Variants in SPATS2 observed in about 807,000 individuals in gnomAD.
SPATS2 encodes the protein spermatogenesis-associated serine-rich protein 2.
Under a neutral mutation model 63.7 loss-of-function variants are expected in SPATS2, and 38 were observed. The ratio of observed to expected loss-of-function variants is 0.60; its 90% CI spans 0.46 to 0.78. The LOEUF (loss-of-function observed/expected upper bound fraction) is 0.78. Among genes scored for constraint, SPATS2 ranks in the 30% least tolerant of loss-of-function variants. The pLI is 0.00. For synonymous variants in SPATS2, 207 were observed against 232.9 expected (o/e 0.89, Z 1.01); for missense variants, 588 against 666.2 (o/e 0.88, Z 1.29).
At chr12:49,487,215 G>T (rs911222879) in intron 4 of SPATS2, among the ~76,000 whole-genome samples, 1 of 152,140 alleles carries the variant, frequency 6.6e-6, no homozygotes, top group East Asian at 1.9e-4. Context: ...GGCCAGGCGC[G>T]ATGGCTCATG....
intron 2 of SPATS2, among the ~76,000 whole-genome samples, chr12:49,410,076 T>G (rs188577338): frequency 3.9e-4 from 60 of 151,936 alleles, no homozygotes; most frequent in East Asian, 2.3e-3. Context: ...CATGTTTTTT[T>G]TTGTTGTTGT....
rs753378038 is a variant in SPATS2 at position 49,409,592 on chromosome 12, A to ATT, written c.-244+38328_-244+38329dup. Reference sequence around the variant, plus strand: ...CAGGCGTGAGCCACTGTGCCCAGCAATTTTTTTTTTTTTTTTTTTTTTTTT... The same window carrying ATT: ...CAGGCGTGAGCCACTGTGCCCAGCAATTTTTTTTTTTTTTTTTTTTTTTTTTT... On this transcript the variant is annotated intron_variant, in intron 2 of 13. Coordinates refer to ENST00000552918, the MANE Select transcript of SPATS2 (RefSeq NM_023071.4). Among the ~76,000 whole-genome samples, 178 of 73,532 alleles carry ATT rather than the reference A, an allele frequency of 2.4e-3. 17 individuals are homozygous for ATT. Among genetic ancestry groups the ATT allele is most frequent in the Admixed American group, 3.8e-3 (21 of 5,504 alleles). The allele number at this position is 73,532 out of a possible 152,430, so 48.2% of individuals were successfully genotyped here.
chr12:49,450,962 G>T (rs746282537), intron 2 of SPATS2, among the ~76,000 whole-genome samples: 3 of 150,394 alleles, frequency 2.0e-5, no homozygotes, highest in Non-Finnish European at 4.4e-5. Flanking sequence ...TCTGCCTCCT[G>T]GACTCAAGTG....
In SPATS2 at chr12:49,444,219, T is replaced by G. The variant is rs548729321; in HGVS notation, c.-243-16551T>G. Reference sequence around the variant, plus strand: ...TAAGTATTTAAGTTTTGTTGTTGTTTTTTTTTTTTTAAGAGACAGGGTCTT... The same window carrying G: ...TAAGTATTTAAGTTTTGTTGTTGTTGTTTTTTTTTTAAGAGACAGGGTCTT... On this transcript the variant is annotated intron_variant, in intron 2 of 13. Coordinates refer to ENST00000552918, the MANE Select transcript of SPATS2 (RefSeq NM_023071.4). 8.8e-4 allele frequency among the ~76,000 whole-genome samples: 134 copies of G among 151,690 alleles called. 1 individual carries two copies. The highest frequency in any genetic ancestry group is 8.3e-4 in the South Asian group (4 of 4,812).
At chr12:49,425,790 C>T (rs1945064881) in intron 2 of SPATS2, among the ~76,000 whole-genome samples, 1 of 152,094 alleles carries the variant, frequency 6.6e-6, no homozygotes, top group Non-Finnish European at 1.5e-5. Flanking sequence ...CCACCATACC[C>T]AGCTAATTTT....
intron 2 of SPATS2, among the ~76,000 whole-genome samples, chr12:49,399,655 T>A (rs1944571100): frequency 1.3e-5 from 2 of 152,186 alleles, no homozygotes; most frequent in South Asian, 4.1e-4. Flanking sequence ...AAAAGTTGTT[T>A]CGGATTGGTA....
At chr12:49,378,234 G>A (rs1944144287) in intron 2 of SPATS2, among the ~76,000 whole-genome samples, 1 of 151,462 alleles carries the variant, frequency 6.6e-6, no homozygotes, top group Admixed American at 6.6e-5. Context: ...GCCTCCCAAA[G>A]TGCTGGGATA....
intron 2 of SPATS2, among the ~76,000 whole-genome samples, chr12:49,428,133 T>G (rs11614854): frequency 0.092 from 13,916 of 152,058 alleles, 757 homozygotes; most frequent in African/African-American, 0.14. Context: ...CAGGCGCCTG[T>G]AGTCCCAGCT....
At chr12:49,430,511 G>A (rs1488103948) in intron 2 of SPATS2, among the ~76,000 whole-genome samples, 1 of 152,004 alleles carries the variant, frequency 6.6e-6, no homozygotes, top group East Asian at 1.9e-4. Context: ...CTTTAAAGAT[G>A]AGAAGAATGT....
intron 9 of SPATS2, among the ~76,000 whole-genome samples, chr12:49,508,854 A>C (rs1193460024): frequency 6.6e-6 from 1 of 152,002 alleles, no homozygotes; most frequent in African/African-American, 2.4e-5. Flanking sequence ...ATCTGAGGTC[A>C]GGAGTTTGAA....
chr12:49,460,906 T>C lies in SPATS2; in HGVS notation c.-107T>C, dbSNP rs956711521. The C allele has an allele frequency of 8.4e-6, 11 of 1,313,656 alleles. No individual in the cohort carries two copies. The highest frequency in any genetic ancestry group is 1.1e-5 in the Non-Finnish European group (10 of 931,356). The allele number at this position is 1,313,656 out of a possible 1,614,324, so 81.4% of individuals were successfully genotyped here. On this transcript the variant is annotated 5_prime_UTR_variant, in exon 3 of 14. Transcript: ENST00000552918. ...GGATTTCGTATTTTTTGCTTCCAAC[T>C]GCACACTTCCGTTGCCCACTTTTAA... is the stretch of plus-strand genomic sequence containing the variant.
intron 3 of SPATS2, among the ~76,000 whole-genome samples, chr12:49,465,354 G>A (rs572371255): frequency 4.8e-5 from 7 of 147,152 alleles, no homozygotes; most frequent in Non-Finnish European, 9.0e-5. Flanking sequence ...ACCAACACTC[G>A]GTATGGTCAG....
At chr12:49,418,025 G>A (rs1010652089) in intron 2 of SPATS2, among the ~76,000 whole-genome samples, 2 of 151,722 alleles carry the variant, frequency 1.3e-5, no homozygotes, top group South Asian at 2.1e-4. Flanking sequence ...GACTACAGGC[G>A]CATGCCACCA....
chr12:49,466,781 C>G (rs1038666604), intron 3 of SPATS2, among the ~76,000 whole-genome samples: 2 of 152,102 alleles, frequency 1.3e-5, no homozygotes, highest in East Asian at 3.9e-4. Flanking sequence ...ATTTTGGTTT[C>G]TTTACATTTA....
chr12:49,423,418 C>T (rs906173548), intron 2 of SPATS2, among the ~76,000 whole-genome samples: 1 of 152,182 alleles, frequency 6.6e-6, no homozygotes, highest in Non-Finnish European at 1.5e-5. Flanking sequence ...GGGCGTGAGC[C>T]ACCGCGCCTG....
chr12:49,380,061 T>C (rs759875573), intron 2 of SPATS2, among the ~76,000 whole-genome samples: 5 of 152,180 alleles, frequency 3.3e-5, no homozygotes, highest in Non-Finnish European at 5.9e-5. Flanking sequence ...ATATTTCAAA[T>C]AAATGGAATC....
intron 3 of SPATS2, among the ~76,000 whole-genome samples, chr12:49,466,615 A>C (rs947051677): frequency 2.6e-5 from 4 of 152,150 alleles, no homozygotes; most frequent in African/African-American, 7.2e-5. Context: ...AGACCATGTG[A>C]AGATTTATTT....
intron 3 of SPATS2, among the ~76,000 whole-genome samples, chr12:49,476,248 C>CA (rs768030371): frequency 3.3e-5 from 5 of 152,098 alleles, no homozygotes; most frequent in Non-Finnish European, 7.4e-5. Context: ...CAGTCACCCG[C>CA]ACGCCAGCAG....
intron 3 of SPATS2, among the ~76,000 whole-genome samples, chr12:49,467,135 G>A (rs1454109105): frequency 1.5e-5 from 2 of 132,634 alleles, no homozygotes; most frequent in African/African-American, 5.8e-5. Flanking sequence ...TGCAGCCTCT[G>A]CCTCCCAGGT....
Sources: allele counts gnomAD v4.1 joint callset (sites outside exome capture counted in the v4.1 genomes callset), GRCh38; gene constraint gnomAD v4.1.1; transcripts MANE v1.5; gene names NCBI Gene and HGNC (gene_info 2026-07-23, HGNC 2026-07-21).